PHLDB1: variants seen among roughly 807,000 people sequenced by gnomAD.
PHLDB1 encodes the protein pleckstrin homology-like domain family B member 1.
PHLDB1 carries 65 observed loss-of-function variants against 139.3 expected under a neutral mutation model. The observed-to-expected ratio is 0.47, with a 90% CI of 0.38 to 0.57. The LOEUF is 0.57. PHLDB1 is among the 20% of genes least tolerant of loss of function. PHLDB1 has a pLI of 0.00. For synonymous variants in PHLDB1, 679 were observed against 734.5 expected, an observed-to-expected ratio of 0.92 and a Z score of 1.22; for missense variants, 1,624 against 1,839.7, an observed-to-expected ratio of 0.88 and a Z score of 2.14.
rs1947239751 is a variant in PHLDB1 at position 118,645,001 on chromosome 11, G to A, written c.3122-355G>A. 6.1e-6 allele frequency: 2 copies of A among 329,490 alleles called. No individual in the cohort carries two copies. Among genetic ancestry groups the A allele is most frequent in the African/African-American group, 2.2e-5 (1 of 46,194 alleles). 20.4% of individuals were successfully genotyped at this position (329,490 alleles called of 1,614,324 possible). A position where few individuals can be genotyped will look rare whatever the true frequency, so the allele number is the denominator to read the frequency against. ...TCCTTCTCCCTTCTCCAGCAGGCAGGGTGGGTGCATGTATCCTGCCTAGAC... is the reference window on the plus strand; with the variant it reads ...TCCTTCTCCCTTCTCCAGCAGGCAGAGTGGGTGCATGTATCCTGCCTAGAC... On this transcript the variant is annotated intron_variant, in intron 15 of 22. Transcript: ENST00000600882. This position sits in a 1 kb window ranked among gnomAD's most constrained non-coding sequence, Gnocchi z 5.1.
intron 4 of PHLDB1, 95 bp from the exon 5 acceptor site, chr11:118,624,839 A>T: frequency 3.0e-6 from 4 of 1,314,406 alleles, no homozygotes; most frequent in Non-Finnish European, 4.4e-6. Flanking sequence ...CCAACTCCCG[A>T]CCTCAGGTGA....
rs1591600029 is a variant in PHLDB1, at chr11:118,631,090, G to A, written c.1828-117G>A. The A allele has an allele frequency of 5.5e-6, 5 of 903,200 alleles. No homozygotes were observed. In the East Asian group the frequency reaches 1.5e-4, roughly 27 times the overall value. The allele number at this position is 903,200 out of a possible 1,614,324, so 55.9% of individuals were successfully genotyped here. ...GTCAGGCCTCTCCTGACTTGACACT[G>A]ATGTCCTAGCCCCCTGTAACCCTGC... On this transcript the variant is annotated intron_variant, in intron 6 of 22. Transcript: ENST00000600882.
In PHLDB1 at chr11:118,642,393, A is replaced by G. The variant is rs1946711723; in HGVS notation, c.2876A>G (p.Gln959Arg). ...CCCGCCAAAGCTTCCCGTCAGCTGC[A>G]GGTAACCCCTCCTTCACTGCCCGTC... is the stretch of plus-strand genomic sequence containing the variant. ...PLPAKASRQL[Q>R]VYRSKMDGEA... The change falls in exon 13 of 23, where the codon CAG becomes CGG. Residue 959 changes from glutamine to arginine, a missense_variant and splice_region_variant. Gln to Arg is a conservative substitution (Grantham distance 43). Coordinates refer to ENST00000600882, the MANE Select transcript of PHLDB1 (RefSeq NM_001144758.3). The G allele has an allele frequency of 6.2e-7, 1 of 1,607,494 alleles. No individual in the cohort carries two copies. Among genetic ancestry groups the G allele is most frequent in the Non-Finnish European group, 8.5e-7 (1 of 1,179,810 alleles).
At chr11:118,641,010 G>A (rs535984511) in intron 12 of PHLDB1, 1 of 152,752 alleles carries the variant, frequency 6.5e-6, no homozygotes, top group African/African-American at 2.4e-5. Context: ...ATTTTGTATT[G>A]ACATGGAGTG....
In PHLDB1 at chr11:118,632,326, G is replaced by C; in HGVS notation, c.2379+30G>C. 1 of 1,609,728 alleles carries C rather than the reference G, an allele frequency of 6.2e-7. No homozygotes were observed. The highest frequency in any genetic ancestry group is 8.5e-7 in the Non-Finnish European group (1 of 1,177,732). On this transcript the variant is annotated intron_variant, in intron 9 of 22. Coordinates refer to ENST00000600882, the MANE Select transcript of PHLDB1 (RefSeq NM_001144758.3). The surrounding 1 kb of genome is among the most constrained non-coding windows in gnomAD (Gnocchi z 5.9). Reference sequence around the variant, plus strand: ...CCCACACCTGGCCCAGCTTAGTGCTGGGTACCAGTGGCCTGGGAGAGAAGG... The same window carrying C: ...CCCACACCTGGCCCAGCTTAGTGCTCGGTACCAGTGGCCTGGGAGAGAAGG...
intron 3 of PHLDB1, among the ~76,000 whole-genome samples, chr11:118,615,417 C>CA (rs1338373115): frequency 6.6e-6 from 1 of 152,110 alleles, no homozygotes; most frequent in African/African-American, 2.4e-5. Flanking sequence ...CAGCCCCCTT[C>CA]ACCTTTCAGC....
At chr11:118,640,149 C>T (rs782258060) in intron 12 of PHLDB1, 9 of 215,296 alleles carry the variant, frequency 4.2e-5, no homozygotes, top group East Asian at 1.8e-4. Flanking sequence ...AGAGTGTGTG[C>T]GAGCATGCCA....
rs781909091 is a variant in PHLDB1, at chr11:118,650,518, G to T, written c.3845G>T (p.Arg1282Leu). ...AAGAAGCGCTGGTTTGTCTTCGACC[G>T]GCTCAAGCGCACCCTTTCCTATTAT... ...SWKKRWFVFD[R>L]LKRTLSYYVD... Residue 1282 changes from arginine (R) to leucine (L), a missense_variant, in exon 20 of 23, where the codon CGG becomes CTG. Transcript: ENST00000600882. This position sits in a 1 kb window ranked among gnomAD's most constrained non-coding sequence, Gnocchi z 4.7. The T allele has an allele frequency of 1.4e-5, 23 of 1,613,810 alleles. No individual in the cohort carries two copies. The highest frequency in any genetic ancestry group is 1.8e-5 in the Non-Finnish European group (21 of 1,179,836).
chr11:118,656,044 G>T, intron 22 of PHLDB1, 152 bp downstream of exon 22: 1 of 662,972 alleles, frequency 1.5e-6, no homozygotes, highest in South Asian at 1.8e-5. Flanking sequence ...GCTCCTGTGG[G>T]CTTGGGTGCC....
In PHLDB1 at chr11:118,635,143, C is replaced by A; in HGVS notation, c.2380-250C>A. 3 of 576,446 alleles carry A rather than the reference C, an allele frequency of 5.2e-6. No individual in the cohort carries two copies. In the South Asian group the frequency reaches 6.1e-5, roughly 12 times the overall value. 35.7% of individuals were successfully genotyped at this position (576,446 alleles called of 1,614,324 possible). On this transcript the variant is annotated intron_variant, in intron 9 of 22. Coordinates refer to ENST00000600882, the MANE Select transcript of PHLDB1 (RefSeq NM_001144758.3). ...GTGGGACGGGACCACCTGGCCTCTG[C>A]AGTACCTGCCGGACACCAGGGTCGG...
At position 118,638,895 on chromosome 11, in the gene PHLDB1, G is replaced by A. The variant is rs781959968; in HGVS notation, c.2540G>A (p.Arg847His). The change falls in exon 11 of 23, where the codon CGC becomes CAC. Residue 847 changes from arginine (R) to histidine (H), a missense_variant. Coordinates refer to ENST00000600882, the MANE Select transcript of PHLDB1 (RefSeq NM_001144758.3). Reference sequence around the variant, plus strand: ...CAACCACCCCATCTCCTTTAGGAGCGCCTGGCCATCCTGGACAGTCAGGCT... The same window carrying A: ...CAACCACCCCATCTCCTTTAGGAGCACCTGGCCATCCTGGACAGTCAGGCT... Reference protein sequence around the residue: ...LLRSIAKRKERLAILDSQAGQ... With the variant: ...LLRSIAKRKEHLAILDSQAGQ... 27 of 1,609,150 alleles carry A rather than the reference G, an allele frequency of 1.7e-5. No homozygotes were observed. The highest frequency in any genetic ancestry group is 4.4e-5 in the South Asian group (4 of 90,318).
chr11:118,644,669 C>G, intron 15 of PHLDB1: 1 of 1,289,982 alleles, frequency 7.8e-7, no homozygotes, highest in Non-Finnish European at 1.0e-6. Flanking sequence ...CCGCCGAGCC[C>G]CTCCCAACCG....
chr11:118,627,110 G>C (rs1944010358), intron 5 of PHLDB1, 195 bp from the exon 6 acceptor site: 1 of 595,510 alleles, frequency 1.7e-6, no homozygotes, highest in Non-Finnish European at 2.9e-6. Flanking sequence ...TACAGAAGGA[G>C]AAACTGAGGA....
rs111297165 is a variant in PHLDB1, at chr11:118,624,491, G to A, written c.356-443G>A. 542 of 206,060 alleles carry A rather than the reference G, an allele frequency of 2.6e-3. 2 individuals carry two copies. Among genetic ancestry groups the A allele is most frequent in the African/African-American group, 0.012 (513 of 41,766 alleles). The allele number at this position is 206,060 out of a possible 1,614,324, so 12.8% of individuals were successfully genotyped here. A position where few individuals can be genotyped will look rare whatever the true frequency, so the allele number is the denominator to read the frequency against. ...CTGTGTGGACTCTGAGAGCAGATGA[G>A]GATGGGTCTTTAGAGCTGAGGTGAG... is the stretch of plus-strand genomic sequence containing the variant. On this transcript the variant is annotated intron_variant, in intron 4 of 22. Transcript: ENST00000600882.
chr11:118,607,362 G>A (rs1344995295), upstream of PHLDB1, among the ~76,000 whole-genome samples: 2 of 138,994 alleles, frequency 1.4e-5, no homozygotes, highest in Non-Finnish European at 3.1e-5. Context: ...TGGTGGTGGT[G>A]GTGGTGGTGG....
At chr11:118,644,770 G>T in intron 15 of PHLDB1, 1 of 952,316 alleles carries the variant, frequency 1.1e-6, no homozygotes, top group Non-Finnish European at 1.4e-6. Flanking sequence ...TCCTGCCCAG[G>T]TCCCCACTGC....
In PHLDB1 at chr11:118,643,869, T is replaced by C; in HGVS notation, c.2947T>C (p.Ser983Pro). The C allele has an allele frequency of 6.6e-7, 1 of 1,512,684 alleles. No individual in the cohort carries two copies. Among genetic ancestry groups the C allele is most frequent in the East Asian group, 2.6e-5 (1 of 38,472 alleles). 93.7% of individuals were successfully genotyped at this position (1,512,684 alleles called of 1,614,324 possible). Reference sequence around the variant, plus strand: ...CCGGACCCGCAGCGGCCCCCTCCCCTCCTCCTCTGGCTCTTCCTCCTCCTC... The same window carrying C: ...CCGGACCCGCAGCGGCCCCCTCCCCCCCTCCTCTGGCTCTTCCTCCTCCTC... The part of the protein sequence containing the change: ...LPRTRSGPLP[S>P]SSGSSSSSSQ... The change falls in exon 14 of 23, where the codon TCC (serine) becomes CCC (proline). Residue 983 changes from serine to proline, a missense_variant. Transcript: ENST00000600882.
intron 9 of PHLDB1, chr11:118,633,973 A>C (rs1212378859): frequency 1.3e-5 from 2 of 152,794 alleles, no homozygotes; most frequent in Non-Finnish European, 2.9e-5. Context: ...TGTGGTAGTG[A>C]TGGTGGTGGT....
intron 1 of PHLDB1, among the ~76,000 whole-genome samples, chr11:118,612,490 G>A (rs1279506991): frequency 1.3e-5 from 2 of 152,164 alleles, no homozygotes; most frequent in African/African-American, 4.8e-5. Flanking sequence ...AGGAATTCTG[G>A]GGAGGTGCCA....
Sources: allele counts gnomAD v4.1 joint callset (sites outside exome capture counted in the v4.1 genomes callset), GRCh38; gene constraint gnomAD v4.1.1; non-coding constraint Gnocchi (gnomAD v3.1); transcripts MANE v1.5; gene names NCBI Gene and HGNC (gene_info 2026-07-23, HGNC 2026-07-21).